The following CD6 variants were observed in gnomAD, a reference collection of about 807,000 sequenced individuals.
CD6 encodes T-cell differentiation antigen CD6.
CD6 carries 53 observed loss-of-function variants against 75.3 expected under a neutral mutation model. That is an observed-to-expected ratio of 0.70 (90% CI 0.56 to 0.88). The LOEUF is 0.88. Ranked by LOEUF, CD6 falls within the 40% of genes least tolerant of loss-of-function variation. CD6 has a pLI of 0.00. For missense variants in CD6, 770 were observed against 897.1 expected (o/e 0.86, Z 1.81); for synonymous variants, 359 against 381.5 (o/e 0.94, Z 0.69).
chr11:61,006,662 G>T lies in CD6; in HGVS notation c.118+20G>T. ...AGCCAGGTGAGCAAACATTCCCTCT[G>T]GGGGTCCATGATCAGCTTTCTGTAG... On this transcript the variant is annotated intron_variant, in intron 2 of 12. Transcript: ENST00000313421. The T allele has an allele frequency of 6.3e-7, 1 of 1,590,912 alleles. No homozygotes were observed. The highest frequency in any genetic ancestry group is 1.3e-5 in the African/African-American group (1 of 74,682).
chr11:61,011,746 C>A (rs1273295719), intron 6 of CD6, among the ~76,000 whole-genome samples: 1 of 152,208 alleles, frequency 6.6e-6, no homozygotes, highest in South Asian at 2.1e-4. Flanking sequence ...CCACCAGCTG[C>A]GTGTAGCTTG....
At chr11:60,997,991 T>A (rs1218346721) in intron 1 of CD6, among the ~76,000 whole-genome samples, 1 of 152,212 alleles carries the variant, frequency 6.6e-6, no homozygotes, top group African/African-American at 2.4e-5. Flanking sequence ...CCTGCGTTTA[T>A]ACAGATGAGT....
intron 1 of CD6, among the ~76,000 whole-genome samples, chr11:60,997,023 A>G (rs1481803182): frequency 6.6e-6 from 1 of 152,166 alleles, no homozygotes; most frequent in African/African-American, 2.4e-5. Context: ...TGTAAGGTAC[A>G]TAGGTACCTT....
At chr11:60,974,470 C>A (rs1857293351) in intron 1 of CD6, among the ~76,000 whole-genome samples, 1 of 152,226 alleles carries the variant, frequency 6.6e-6, no homozygotes, top group South Asian at 2.1e-4. Context: ...TGGTCTCAAT[C>A]TCCTGACCTC....
At chr11:60,979,464 C>G (rs902196527) in intron 1 of CD6, among the ~76,000 whole-genome samples, 10 of 143,168 alleles carry the variant, frequency 7.0e-5, no homozygotes, top group East Asian at 6.1e-4. Flanking sequence ...GTTTTGTTTT[C>G]TTTTTTTTTT....
rs563773495 is a variant in CD6 at position 60,990,005 on chromosome 11, T to A, written c.50-16569T>A. 2.8e-3 allele frequency among the ~76,000 whole-genome samples: 433 copies of A among 152,256 alleles called. 7 individuals are homozygous for A. The highest frequency in any genetic ancestry group is 1.6e-3 in the Admixed American group (24 of 15,298). On this transcript the variant is annotated intron_variant, in intron 1 of 12. Coordinates refer to ENST00000313421, the MANE Select transcript of CD6 (RefSeq NM_006725.5). ...TTTCATATATGCTTTTATTTTAAAA[T>A]TTTTTTGTTTTTATTTTGTTTTATT...
At chr11:61,002,832 A>G (rs900215829) in intron 1 of CD6, among the ~76,000 whole-genome samples, 1 of 152,216 alleles carries the variant, frequency 6.6e-6, no homozygotes, top group Non-Finnish European at 1.5e-5. Context: ...TGCACGAGAG[A>G]CAGAGCGAGG....
Position 61,018,369 on chromosome 11 carries a change from T to A in CD6, c.1918T>A (p.Ser640Thr). The change falls in exon 12 of 13, where the codon TCG (serine) becomes ACG (threonine). Residue 640 changes from serine to threonine, a missense_variant. Coordinates refer to ENST00000313421, the MANE Select transcript of CD6 (RefSeq NM_006725.5). ...CTTCCAGCCACCACCCCAGCCCCCT[T>A]CGGAGGAGCAGTTTGGCTGTCCAGG... ...QNFQPPPQPP[S>T]EEQFGCPGSP... is the part of the protein sequence containing the mutation. 6.2e-7 allele frequency: 1 copy of A among 1,600,684 alleles called. No homozygotes were observed. The highest frequency in any genetic ancestry group is 8.5e-7 in the Non-Finnish European group (1 of 1,173,804).
At chr11:61,014,599 G>T (rs1374689628) in intron 8 of CD6, among the ~76,000 whole-genome samples, 1 of 152,020 alleles carries the variant, frequency 6.6e-6, no homozygotes, top group African/African-American at 2.4e-5. Context: ...GACAGGTGTG[G>T]TGGCGTGCAC....
At chr11:60,982,637 C>A (rs150848873) in intron 1 of CD6, 2 of 455,932 alleles carry the variant, frequency 4.4e-6, no homozygotes, top group African/African-American at 2.0e-5. Context: ...TGCACAGTTG[C>A]CAAATGGATT....
rs150164921 is a variant in CD6 at position 61,013,364 on chromosome 11, C to T, written c.1151-59C>T. 9,483 of 1,583,890 alleles carry T rather than the reference C, an allele frequency of 6.0e-3. 44 individuals are homozygous for T. The highest frequency in any genetic ancestry group is 7.3e-3 in the Non-Finnish European group (8,444 of 1,159,468). On this transcript the variant is annotated intron_variant, in intron 6 of 12. Coordinates refer to ENST00000313421, the MANE Select transcript of CD6 (RefSeq NM_006725.5). The stretch of plus-strand genomic sequence containing the variant: ...GTCAGCTTTACAGAGAATGGAAAGG[C>T]AAGAAGAAGGGTGAGTGCCCATTCC...
In CD6 at chr11:61,017,542, T is replaced by C; in HGVS notation, c.1574T>C (p.Leu525Ser). The C allele has an allele frequency of 6.4e-7, 1 of 1,555,462 alleles. No homozygotes were observed. ...CAAAGCAGGTTCCAGATGCCACCCT[T>C]GGAGGAAGGTGAGTCAGGATGGGAA... ...VQQSRFQMPPLEEGLEELHAS... is the reference protein window; with the variant it reads ...VQQSRFQMPPSEEGLEELHAS... Residue 525 changes from leucine (L) to serine (S), a missense_variant, in exon 10 of 13, where the codon TTG becomes TCG. Leu to Ser is a moderately radical substitution (Grantham distance 145, BLOSUM62 -2). Coordinates refer to ENST00000313421, the MANE Select transcript of CD6 (RefSeq NM_006725.5).
intron 1 of CD6, among the ~76,000 whole-genome samples, chr11:60,987,536 G>A (rs559311869): frequency 1.3e-5 from 2 of 149,606 alleles, no homozygotes; most frequent in Non-Finnish European, 1.5e-5. Context: ...TATAGGGTGT[G>A]TGTGTAGGGT....
At chr11:60,982,922 C>G (rs1488182946) in intron 1 of CD6, among the ~76,000 whole-genome samples, 1 of 151,882 alleles carries the variant, frequency 6.6e-6, no homozygotes. Context: ...AACTCCCCAC[C>G]CCCACCCCTA....
chr11:60,981,055 G>C (rs962751244), intron 1 of CD6, among the ~76,000 whole-genome samples: 17 of 152,088 alleles, frequency 1.1e-4, no homozygotes, highest in African/African-American at 3.6e-4. Context: ...GTGCCATGAG[G>C]ATTCAATGAG....
chr11:60,981,358 C>T (rs80032593), intron 1 of CD6, among the ~76,000 whole-genome samples: 3,296 of 152,282 alleles, frequency 0.022, 120 homozygotes, highest in African/African-American at 0.074. Context: ...TTTCCCAGCC[C>T]TGGAATTGGG....
chr11:60,995,116 C>T (rs533648544), intron 1 of CD6, among the ~76,000 whole-genome samples: 3 of 150,862 alleles, frequency 2.0e-5, no homozygotes, highest in African/African-American at 4.9e-5. Flanking sequence ...TATGAGCCAG[C>T]GCATGCGTCT....
Position 61,009,818 on chromosome 11 carries a change from GGTTCA to G in CD6, c.1029_1033del (p.Phe344GlnfsTer82). ...CTCACCCTCTCCAACTGCTCCTGGCGGTTCAACAACTCCAACCTCTGCAGCCAGTC... is the reference window on the plus strand; with the variant it reads ...CTCACCCTCTCCAACTGCTCCTGGCGACAACTCCAACCTCTGCAGCCAGTC... On this transcript the variant is annotated frameshift_variant, in exon 5 of 13. Transcript: ENST00000313421. LOFTEE classifies it high-confidence loss of function. The G allele has an allele frequency of 6.3e-7, 1 of 1,595,488 alleles. No homozygotes were observed. The highest frequency in any genetic ancestry group is 1.1e-5 in the South Asian group (1 of 88,128).
intron 2 of CD6, among the ~76,000 whole-genome samples, 187 bp downstream of exon 2, chr11:61,006,829 T>A (rs1858883233): frequency 2.6e-5 from 4 of 152,168 alleles, no homozygotes; most frequent in Non-Finnish European, 4.4e-5. Context: ...CTACCATTTT[T>A]GAGAGGACAC....
Sources: allele counts gnomAD v4.1 joint callset (sites outside exome capture counted in the v4.1 genomes callset), GRCh38; gene constraint gnomAD v4.1.1; transcripts MANE v1.5; gene names NCBI Gene and HGNC (gene_info 2026-07-23, HGNC 2026-07-21).